KCNH1: variants seen among roughly 807,000 people sequenced by gnomAD.
The protein encoded by KCNH1 is voltage-gated delayed rectifier potassium channel KCNH1.
In KCNH1, 27 loss-of-function variants were observed where a neutral mutation model predicts 69.2. The observed-to-expected ratio is 0.39, with a 90% CI of 0.29 to 0.54. The LOEUF (loss-of-function observed/expected upper bound fraction) is 0.54, where lower values mean the gene tolerates loss of function less well. Ranked by LOEUF, KCNH1 falls within the 20% of genes least tolerant of loss-of-function variation. The probability of loss-of-function intolerance (pLI) is 0.68; values close to 1 mark genes in which losing one functional copy is unlikely to be tolerated. For missense variants in KCNH1, 798 were observed against 1,261.6 expected (o/e 0.63, Z 5.57); for synonymous variants, 456 against 487.7 (o/e 0.93, Z 0.86).
intron 10 of KCNH1, among the ~76,000 whole-genome samples, chr1:210,773,502 A>C (rs1683793042): frequency 6.6e-6 from 1 of 152,226 alleles, no homozygotes; most frequent in South Asian, 2.1e-4. Flanking sequence ...GATTTAAAAC[A>C]GGTGGAGGAA....
At chr1:211,045,064 A>ATATAT (rs1490472380) in intron 5 of KCNH1, among the ~76,000 whole-genome samples, 6 of 128,206 alleles carry the variant, frequency 4.7e-5, no homozygotes, top group East Asian at 2.1e-4. Flanking sequence ...ATATATGAAT[A>ATATAT]ATAGAATAGT....
intron 6 of KCNH1, among the ~76,000 whole-genome samples, chr1:210,972,599 A>C (rs887922107): frequency 3.3e-5 from 5 of 152,204 alleles, no homozygotes; most frequent in Admixed American, 1.3e-4. Flanking sequence ...AGGCAGTAAA[A>C]TGATAGATTT....
intron 9 of KCNH1, among the ~76,000 whole-genome samples, chr1:210,781,347 G>A (rs958120248): frequency 6.6e-6 from 1 of 152,100 alleles, no homozygotes; most frequent in African/African-American, 2.4e-5. Context: ...AGTACAGTAA[G>A]GGTTGCCCTC....
intron 7 of KCNH1, among the ~76,000 whole-genome samples, chr1:210,891,782 C>T (rs1386699769): frequency 6.6e-6 from 1 of 152,078 alleles, no homozygotes; most frequent in East Asian, 1.9e-4. Context: ...TATTGCAGCA[C>T]TATTCACAAT....
rs1262870499 is a variant in KCNH1 at position 210,966,180 on chromosome 1, T to C, written c.1033-46111A>G. Among the ~76,000 whole-genome samples the C allele has an allele frequency of 2.0e-5, 3 of 152,188 alleles. No individual in the cohort carries two copies. The East Asian group carries it at 5.8e-4, about 29-fold the overall frequency. ...TGGTATTGGGAAAACTGGCTAGCCA[T>C]ATGCAGAAAACTGAAACTGAACCCC... On this transcript the variant is annotated intron_variant, in intron 6 of 10. Transcript: ENST00000271751.
chr1:210,758,470 GC>G (rs1683444845), intron 10 of KCNH1, among the ~76,000 whole-genome samples: 1 of 152,182 alleles, frequency 6.6e-6, no homozygotes, highest in Non-Finnish European at 1.5e-5. Flanking sequence ...GGATGCCCCA[GC>G]CTGCTCCCTT....
intron 7 of KCNH1, among the ~76,000 whole-genome samples, chr1:210,915,709 A>G (rs909905487): frequency 3.9e-5 from 6 of 152,200 alleles, no homozygotes; most frequent in African/African-American, 1.2e-4. Flanking sequence ...TTCTTAAAGC[A>G]ATTTCTTATC....
intron 9 of KCNH1, among the ~76,000 whole-genome samples, chr1:210,779,251 AT>A (rs1683926596): frequency 6.6e-6 from 1 of 152,230 alleles, no homozygotes; most frequent in Admixed American, 6.5e-5. Flanking sequence ...TGAAAATCAT[AT>A]AACTTTACTT....
intron 7 of KCNH1, among the ~76,000 whole-genome samples, chr1:210,848,183 A>G (rs1685602683): frequency 6.6e-6 from 1 of 152,248 alleles, no homozygotes; most frequent in African/African-American, 2.4e-5. Context: ...AATACCTTAT[A>G]GGTAGTAGAC....
At chr1:210,850,339 GAA>G (rs892912242) in intron 7 of KCNH1, among the ~76,000 whole-genome samples, 1 of 148,342 alleles carries the variant, frequency 6.7e-6, no homozygotes, top group Admixed American at 6.7e-5. Flanking sequence ...CTCTACTGAA[GAA>G]AAAAAAAATA....
chr1:210,828,138 C>A (rs570937802), intron 7 of KCNH1, among the ~76,000 whole-genome samples: 8 of 152,034 alleles, frequency 5.3e-5, no homozygotes, highest in Non-Finnish European at 1.0e-4. Context: ...CCACCGCACC[C>A]GGCCTCAGTT....
chr1:210,745,268 A>T (rs563850585), intron 10 of KCNH1, among the ~76,000 whole-genome samples: 3 of 146,812 alleles, frequency 2.0e-5, no homozygotes, highest in East Asian at 4.3e-4. Flanking sequence ...GTAAAAGCCA[A>T]TGTAGGGACT....
At chr1:210,842,498 G>A (rs753096681) in intron 7 of KCNH1, among the ~76,000 whole-genome samples, 1 of 152,070 alleles carries the variant, frequency 6.6e-6, no homozygotes, top group African/African-American at 2.4e-5. Context: ...GCATGTTAGC[G>A]GAATTTAAAT....
intron 9 of KCNH1, among the ~76,000 whole-genome samples, chr1:210,781,363 C>T (rs916568759): frequency 4.6e-5 from 7 of 152,074 alleles, no homozygotes; most frequent in Admixed American, 2.0e-4. Flanking sequence ...CCCTCCTCCC[C>T]CTATCCCACT....
At position 210,961,759 on chromosome 1, in the gene KCNH1, G is replaced by A. The variant is rs146165138; in HGVS notation, c.1033-41690C>T. On this transcript the variant is annotated intron_variant, in intron 6 of 10. Coordinates refer to ENST00000271751, the MANE Select transcript of KCNH1 (RefSeq NM_172362.3). ...GGAGGCTTAGGCAGGTGAATCGCTT[G>A]AACCTGGGAGGCAGAGGTTACAGGG... Among the ~76,000 whole-genome samples the A allele has an allele frequency of 6.4e-3, 974 of 151,854 alleles. 7 individuals are homozygous for A. Among genetic ancestry groups the A allele is most frequent in the African/African-American group, 0.021 (882 of 41,390 alleles).
intron 10 of KCNH1, among the ~76,000 whole-genome samples, chr1:210,690,491 T>A (rs1406695076): frequency 2.6e-5 from 4 of 152,122 alleles, no homozygotes; most frequent in Non-Finnish European, 5.9e-5. Context: ...CCTCCACCAG[T>A]CACCCTGCCT....
chr1:210,925,626 C>T (rs1687556963), intron 6 of KCNH1, among the ~76,000 whole-genome samples: 1 of 152,162 alleles, frequency 6.6e-6, no homozygotes, highest in Admixed American at 6.5e-5. Context: ...TCCCTGGTGA[C>T]CTGTATGACT....
chr1:211,107,927 G>A (rs1231339782), intron 1 of KCNH1, among the ~76,000 whole-genome samples: 3 of 152,176 alleles, frequency 2.0e-5, no homozygotes, highest in Non-Finnish European at 4.4e-5. Flanking sequence ...CCTCCCCTTG[G>A]TGAGGAATAG....
At chr1:210,867,789 T>C (rs992728982) in intron 7 of KCNH1, among the ~76,000 whole-genome samples, 10 of 152,182 alleles carry the variant, frequency 6.6e-5, no homozygotes, top group Non-Finnish European at 1.2e-4. Flanking sequence ...ATTTGGGACC[T>C]GGACTTTTTT....
Sources: allele counts gnomAD v4.1 joint callset (sites outside exome capture counted in the v4.1 genomes callset), GRCh38; gene constraint gnomAD v4.1.1; transcripts MANE v1.5; gene names NCBI Gene and HGNC (gene_info 2026-07-23, HGNC 2026-07-21).